CCDC102A: variants seen among roughly 807,000 people sequenced by gnomAD.
The protein encoded by CCDC102A is coiled-coil domain-containing protein 102A.
Under a neutral mutation model 55.5 loss-of-function variants are expected in CCDC102A, and 40 were observed. The ratio of observed to expected loss-of-function variants is 0.72; its 90% CI spans 0.56 to 0.94. The LOEUF (loss-of-function observed/expected upper bound fraction) is 0.94. Among genes scored for constraint, CCDC102A ranks in the 40% least tolerant of loss-of-function variants. CCDC102A has a pLI of 0.00. For missense variants in CCDC102A, 779 were observed against 768.6 expected (o/e 1.01, Z -0.16); for synonymous variants, 323 against 339.0 (o/e 0.95, Z 0.52).
rs1217140518 is a variant in CCDC102A at position 57,519,406 on chromosome 16, C to T, written c.922-665G>A. ...AGCCTGGGAGGACGGGGAGCTTGTGCGTCTGTCCACCTTTGTGTCGTTGTA... is the reference window on the plus strand; with the variant it reads ...AGCCTGGGAGGACGGGGAGCTTGTGTGTCTGTCCACCTTTGTGTCGTTGTA... On this transcript the variant is annotated intron_variant, in intron 4 of 8. Coordinates refer to ENST00000258214, the MANE Select transcript of CCDC102A (RefSeq NM_033212.4). 5.9e-5 allele frequency among the ~76,000 whole-genome samples: 9 copies of T among 152,374 alleles called. No individual in the cohort carries two copies. In the East Asian group the frequency reaches 7.7e-4, roughly 13 times the overall value.
intron 1 of CCDC102A, among the ~76,000 whole-genome samples, chr16:57,535,834 C>G (rs1375603901): frequency 6.6e-6 from 1 of 152,174 alleles, no homozygotes; most frequent in East Asian, 1.9e-4. Flanking sequence ...GCAGACCTCC[C>G]GAACCCAAAC....
intron 3 of CCDC102A, 68 bp downstream of exon 3, chr16:57,525,833 T>C: frequency 7.2e-7 from 1 of 1,396,718 alleles, no homozygotes; most frequent in Non-Finnish European, 1.0e-6. Flanking sequence ...TCTAATGTTC[T>C]GTGATTCTGA....
At chr16:57,533,780 A>G (rs1187421420) in intron 1 of CCDC102A, among the ~76,000 whole-genome samples, 1 of 152,072 alleles carries the variant, frequency 6.6e-6, no homozygotes, top group Non-Finnish European at 1.5e-5. Context: ...CTGGTAACGC[A>G]CACACTCACT....
intron 4 of CCDC102A, among the ~76,000 whole-genome samples, 169 bp from the exon 5 acceptor site, chr16:57,518,910 C>T (rs1250535972): frequency 2.6e-5 from 4 of 152,234 alleles, no homozygotes; most frequent in Non-Finnish European, 4.4e-5. Flanking sequence ...CACTTCTGCT[C>T]CTCCCAATGT....
chr16:57,529,159 G>C lies in CCDC102A; in HGVS notation c.19C>G (p.Pro7Ala). Residue 7 changes from proline (P) to alanine (A), a missense_variant, in exon 2 of 9, where the codon CCC (proline) becomes GCC (alanine). Transcript: ENST00000258214. The surrounding 1 kb of genome is among the most constrained non-coding windows in gnomAD (Gnocchi z 4.1). MSHGPS[P>A]RLAESPQLSK... is the part of the protein sequence containing the mutation. ...AGCTGCGGGGACTCGGCCAGCCGGG[G>C]GCTGGGCCCGTGGCTCATGGTGCGG... 1 of 1,184,654 alleles carries C rather than the reference G, an allele frequency of 8.4e-7. No individual in the cohort carries two copies. Among genetic ancestry groups the C allele is most frequent in the Admixed American group, 4.5e-5 (1 of 22,218 alleles). 73.4% of individuals were successfully genotyped at this position (1,184,654 alleles called of 1,614,324 possible). A position where few individuals can be genotyped will look rare whatever the true frequency, so the allele number is the denominator to read the frequency against.
Position 57,526,034 on chromosome 16 carries a change from C to T in CCDC102A, c.679G>A (p.Gly227Ser). The change falls in exon 3 of 9, where the codon GGC (glycine) becomes AGC (serine). Residue 227 changes from glycine (G) to serine (S), a missense_variant. Physicochemically the swap from Gly to Ser is moderately conservative, Grantham distance 56. Transcript: ENST00000258214. ...CTGCGCTCCTGGCGGCCTGAGCTGCCCCGCGGGCCCCCAGCCCCCAGGCTG... is the reference window on the plus strand; with the variant it reads ...CTGCGCTCCTGGCGGCCTGAGCTGCTCCGCGGGCCCCCAGCCCCCAGGCTG... Reference protein sequence around the residue: ...ARSLGAGGPRGSSGRQERSRL... With the variant: ...ARSLGAGGPRSSSGRQERSRL... 1.3e-6 allele frequency: 2 copies of T among 1,597,794 alleles called. No individual in the cohort carries two copies. Among genetic ancestry groups the T allele is most frequent in the Non-Finnish European group, 1.7e-6 (2 of 1,174,136 alleles).
chr16:57,521,546 C>T (rs567099614), intron 3 of CCDC102A, among the ~76,000 whole-genome samples: 13 of 152,302 alleles, frequency 8.5e-5, no homozygotes, highest in Admixed American at 2.0e-4. Context: ...TTGTTCTTCT[C>T]GAAGAGCTGT....
At position 57,528,883 on chromosome 16, in the gene CCDC102A, C is replaced by A. The variant is rs1489432657; in HGVS notation, c.295G>T (p.Asp99Tyr). 1 of 1,391,126 alleles carries A rather than the reference C, an allele frequency of 7.2e-7. No individual in the cohort carries two copies. Among genetic ancestry groups the A allele is most frequent in the Non-Finnish European group, 9.4e-7 (1 of 1,066,870 alleles). The allele number at this position is 1,391,126 out of a possible 1,614,324, so 86.2% of individuals were successfully genotyped here. Residue 99 changes from aspartate to tyrosine, a missense_variant, in exon 2 of 9, where the codon GAC (aspartate) becomes TAC (tyrosine). Physicochemically the swap from Asp to Tyr is radical, Grantham distance 160 (BLOSUM62 -3). Transcript: ENST00000258214. ...TTCTCGCGCCAATTGGCAGTGCAGT[C>A]CGACCACCGGCGCATGGTCTTCTCC... ...QMEKTMRRWSDCTANWREKWS... is the reference protein window; with the variant it reads ...QMEKTMRRWSYCTANWREKWS...
chr16:57,512,530 G>T lies in CCDC102A; in HGVS notation c.*211C>A, dbSNP rs561428736. The stretch of plus-strand genomic sequence containing the variant: ...TCTGGGTGTGCGCGCGCGCGCGCGC[G>T]TGTGTGTATATATATATATAAAACA... On this transcript the variant is annotated 3_prime_UTR_variant, in exon 9 of 9. Coordinates refer to ENST00000258214, the MANE Select transcript of CCDC102A (RefSeq NM_033212.4). The T allele has an allele frequency of 8.2e-6, 4 of 488,092 alleles. No homozygotes were observed. Among genetic ancestry groups the T allele is most frequent in the Non-Finnish European group, 1.0e-5 (3 of 288,724 alleles). 30.2% of individuals were successfully genotyped at this position (488,092 alleles called of 1,614,324 possible). A position where few individuals can be genotyped will look rare whatever the true frequency, so the allele number is the denominator to read the frequency against.
chr16:57,526,251 C>T, intron 2 of CCDC102A, 124 bp from the exon 3 acceptor site: 2 of 663,590 alleles, frequency 3.0e-6, no homozygotes, highest in East Asian at 3.0e-5. Context: ...TCCTCTTCTG[C>T]TGCCTGCCTC....
At chr16:57,523,673 C>T (rs28667938) in intron 3 of CCDC102A, among the ~76,000 whole-genome samples, 48,196 of 151,360 alleles carry the variant, frequency 0.32, 9,565 homozygotes, top group African/African-American at 0.57. Context: ...AGGCCAGGCA[C>T]AATGGCTCAT....
chr16:57,513,475 C>T (rs2031900738), intron 8 of CCDC102A, among the ~76,000 whole-genome samples: 1 of 152,358 alleles, frequency 6.6e-6, no homozygotes, highest in African/African-American at 2.4e-5. Flanking sequence ...AAGGGAGGGG[C>T]ACAGGCGGGG....
chr16:57,518,248 C>A lies in CCDC102A; in HGVS notation c.1068G>T (p.Ala356=). The A allele has an allele frequency of 6.2e-7, 1 of 1,611,020 alleles. No individual in the cohort carries two copies. Among genetic ancestry groups the A allele is most frequent in the African/African-American group, 1.3e-5 (1 of 75,076 alleles). The part of the protein sequence containing the change: ...EMERLQAENA[A]EWGRRERLET... ...CCAGCCGCTCCCGGCGGCCCCACTC[C>A]GCAGCGTTTTCGGCCTGCAGCCGCT... is the stretch of plus-strand genomic sequence containing the variant. The change falls in exon 6 of 9, where the codon GCG becomes GCT. Residue 356 remains alanine (A), a synonymous_variant. Transcript: ENST00000258214.
In CCDC102A at chr16:57,515,332, G is replaced by T; in HGVS notation, c.1523+9C>A. The T allele has an allele frequency of 1.9e-6, 3 of 1,547,066 alleles. No individual in the cohort carries two copies. Among genetic ancestry groups the T allele is most frequent in the Non-Finnish European group, 8.8e-7 (1 of 1,131,622 alleles). ...TCTGCCCTGTTTCTGTTCCCTGCCC[G>T]GGGCCCACCTGGACTGCAGGTGCTC... On this transcript the variant is annotated intron_variant, in intron 8 of 8. Coordinates refer to ENST00000258214, the MANE Select transcript of CCDC102A (RefSeq NM_033212.4).
chr16:57,527,419 T>TTTG (rs34517658), intron 2 of CCDC102A, among the ~76,000 whole-genome samples: 45,647 of 126,006 alleles, frequency 0.36, 8,866 homozygotes, highest in African/African-American at 0.62. Flanking sequence ...TTGCTGCTGC[T>TTTG]TTTTTTTTTT....
chr16:57,523,335 A>G (rs2032081671), intron 3 of CCDC102A, among the ~76,000 whole-genome samples: 1 of 152,188 alleles, frequency 6.6e-6, no homozygotes, highest in Non-Finnish European at 1.5e-5. Flanking sequence ...GAGGGCTGCG[A>G]GAAAGAATCC....
At chr16:57,524,937 C>G (rs2032111130) in intron 3 of CCDC102A, among the ~76,000 whole-genome samples, 1 of 152,260 alleles carries the variant, frequency 6.6e-6, no homozygotes, top group African/African-American at 2.4e-5. Flanking sequence ...GTTCCCCTTC[C>G]CAGCCCGGCT....
chr16:57,534,699 G>A (rs1304328940), intron 1 of CCDC102A, among the ~76,000 whole-genome samples: 1 of 152,164 alleles, frequency 6.6e-6, no homozygotes, highest in African/African-American at 2.4e-5. Flanking sequence ...ACTCTTAGGG[G>A]TACCCTTGTG....
At chr16:57,534,558 CA>C (rs2032335947) in intron 1 of CCDC102A, among the ~76,000 whole-genome samples, 1 of 152,154 alleles carries the variant, frequency 6.6e-6, no homozygotes, top group African/African-American at 2.4e-5. Flanking sequence ...AGTATGCTCC[CA>C]AAGCACCAGG....
Sources: gnomAD v4.1 joint callset for allele counts (sites outside exome capture counted in the v4.1 genomes callset) on GRCh38, gnomAD v4.1.1 for gene constraint, Gnocchi (gnomAD v3.1) non-coding constraint, MANE v1.5 for transcripts, NCBI Gene and HGNC (gene_info 2026-07-23, HGNC 2026-07-21) for gene names.